ADAMTSL1: variants seen among roughly 807,000 people sequenced by gnomAD.
ADAMTSL1 encodes the protein ADAMTS like 1, also known as ADAMTS-like protein 1.
Under a neutral mutation model 201.8 loss-of-function variants are expected in ADAMTSL1, and 126 were observed. That is an observed-to-expected ratio of 0.62 (90% confidence interval 0.54 to 0.72). The LOEUF is 0.72. ADAMTSL1 is among the 30% of genes least tolerant of loss of function. The probability of loss-of-function intolerance (pLI) is 0.00; values close to 1 mark genes in which losing one functional copy is unlikely to be tolerated. For missense variants in ADAMTSL1, 2,679 were observed against 2,277.8 expected (o/e 1.18, Z -3.59); for synonymous variants, 1,121 against 903.4 (o/e 1.24, Z -4.32).
intron 1 of ADAMTSL1, among the ~76,000 whole-genome samples, chr9:18,000,480 C>G (rs1313338656): frequency 6.6e-6 from 1 of 151,988 alleles, no homozygotes; most frequent in African/African-American, 2.4e-5. Context: ...GGAAGAGTAC[C>G]TCTCCTCTGA....
intron 2 of ADAMTSL1, among the ~76,000 whole-genome samples, chr9:18,257,535 G>A (rs1173869975): frequency 6.6e-6 from 1 of 152,160 alleles, no homozygotes; most frequent in Non-Finnish European, 1.5e-5. Context: ...AATAAAATGT[G>A]TGGGTGATGA....
chr9:18,572,994 C>G lies in ADAMTSL1; in HGVS notation c.238-1036C>G, dbSNP rs1318534954. Among the ~76,000 whole-genome samples, 3 of 152,090 alleles carry G rather than the reference C, an allele frequency of 2.0e-5. No individual in the cohort carries two copies. In the East Asian group the frequency reaches 5.8e-4, roughly 29 times the overall value. ...CCTTCCAAGGGATAGGCAATATTTG[C>G]CTTTTTAAAATTAAATCTTACCTGC... On this transcript the variant is annotated intron_variant, in intron 3 of 28. Transcript: ENST00000380548.
chr9:18,342,209 G>T (rs1563899001), intron 2 of ADAMTSL1, among the ~76,000 whole-genome samples: 1 of 152,148 alleles, frequency 6.6e-6, no homozygotes, highest in Non-Finnish European at 1.5e-5. Context: ...CTCAGGCCCA[G>T]TGAAATTGCA....
intron 2 of ADAMTSL1, among the ~76,000 whole-genome samples, chr9:18,397,441 G>GA (rs1817800416): frequency 6.6e-6 from 1 of 152,112 alleles, no homozygotes. Context: ...AGCTCAAGAT[G>GA]AAAAATCTAA....
chr9:17,916,597 T>C (rs1826103417), intron 1 of ADAMTSL1, among the ~76,000 whole-genome samples: 1 of 152,206 alleles, frequency 6.6e-6, no homozygotes. Flanking sequence ...ATTGTCTTTG[T>C]ACTTCAAAAA....
intron 1 of ADAMTSL1, among the ~76,000 whole-genome samples, chr9:17,971,915 C>G (rs537437358): frequency 3.1e-4 from 47 of 151,712 alleles, no homozygotes; most frequent in African/African-American, 1.1e-3. Flanking sequence ...TCCCTATATC[C>G]TTCATATCTT....
chr9:18,209,184 G>A (rs2132307280), intron 2 of ADAMTSL1, among the ~76,000 whole-genome samples: 1 of 152,042 alleles, frequency 6.6e-6, no homozygotes, highest in East Asian at 1.9e-4. Context: ...TGAAATGTTT[G>A]TTATATGTTT....
chr9:18,585,930 G>C (rs888367679), intron 4 of ADAMTSL1, among the ~76,000 whole-genome samples: 1 of 151,998 alleles, frequency 6.6e-6, no homozygotes, highest in Non-Finnish European at 1.5e-5. Context: ...GATATTGAAG[G>C]AAAATACCCT....
intron 19 of ADAMTSL1, among the ~76,000 whole-genome samples, chr9:18,781,693 A>C (rs1193869055): frequency 1.3e-5 from 2 of 152,156 alleles, no homozygotes; most frequent in African/African-American, 4.8e-5. Context: ...CCAGTGTTAT[A>C]GTTCAGTTAG....
intron 2 of ADAMTSL1, among the ~76,000 whole-genome samples, chr9:18,438,811 C>T (rs903452691): frequency 6.6e-6 from 1 of 152,138 alleles, no homozygotes; most frequent in South Asian, 2.1e-4. Flanking sequence ...CTCGCTCACC[C>T]TCACAATTCT....
intron 4 of ADAMTSL1, among the ~76,000 whole-genome samples, chr9:18,606,676 G>C (rs529025204): frequency 6.6e-6 from 1 of 152,282 alleles, no homozygotes; most frequent in East Asian, 1.9e-4. Flanking sequence ...TTCAGTTGCA[G>C]AGTTTGTTTT....
rs551563170 is a variant in ADAMTSL1, at chr9:18,514,552, G to C, written c.191+9596G>C. Among the ~76,000 whole-genome samples, 4 of 151,978 alleles carry C rather than the reference G, an allele frequency of 2.6e-5. No homozygotes were observed. In the South Asian group the frequency reaches 6.2e-4, roughly 24 times the overall value. ...TCACCGTGTTCACCAGGATGGTCTCGATCTCCTGACCTCATGATCCGCCCG... is the reference window on the plus strand; with the variant it reads ...TCACCGTGTTCACCAGGATGGTCTCCATCTCCTGACCTCATGATCCGCCCG... On this transcript the variant is annotated intron_variant, in intron 2 of 28. Coordinates refer to ENST00000380548, the MANE Select transcript of ADAMTSL1 (RefSeq NM_001040272.6).
At chr9:18,534,332 C>A (rs1819623605) in intron 3 of ADAMTSL1, among the ~76,000 whole-genome samples, 1 of 151,946 alleles carries the variant, frequency 6.6e-6, no homozygotes, top group African/African-American at 2.4e-5. Context: ...AGTTCAAGAC[C>A]ATCCTGGGGA....
At chr9:18,135,023 AAT>A (rs1826100438) in intron 1 of ADAMTSL1, among the ~76,000 whole-genome samples, 1 of 152,196 alleles carries the variant, frequency 6.6e-6, no homozygotes. Context: ...CAAGGGAATC[AAT>A]ACTGCCATTG....
At position 18,057,579 on chromosome 9, in the gene ADAMTSL1, T is replaced by C. The variant is rs548354286; in HGVS notation, c.88-106283T>C. ...AAATCATATTGGCAAATTTAGTACT[T>C]GGTTAGAACGAGTTTTTTAAAATGA... is the stretch of plus-strand genomic sequence containing the variant. On this transcript the variant is annotated intron_variant, in intron 1 of 29. Coordinates refer to the ADAMTSL1 transcript ENST00000680146. Among the ~76,000 whole-genome samples the C allele has an allele frequency of 5.9e-5, 9 of 152,268 alleles. No individual in the cohort carries two copies. The South Asian group carries it at 1.9e-3, about 32-fold the overall frequency.
chr9:18,301,436 G>T (rs908457762), intron 2 of ADAMTSL1, among the ~76,000 whole-genome samples: 1 of 152,086 alleles, frequency 6.6e-6, no homozygotes, highest in African/African-American at 2.4e-5. Context: ...GCCTGAAACC[G>T]CTGAGAGTAT....
rs186161750 is a variant in ADAMTSL1, at chr9:18,563,282, T to C, written c.238-10748T>C. Among the ~76,000 whole-genome samples, 384 of 152,344 alleles carry C rather than the reference T, an allele frequency of 2.5e-3. 1 individual carries two copies. Among genetic ancestry groups the C allele is most frequent in the African/African-American group, 8.9e-3 (370 of 41,582 alleles). ...CAGTCAGGCTCCTCTGCTGCAGGTC[T>C]GTTGGAGTTTGCTGGAGGTCCACTC... On this transcript the variant is annotated intron_variant, in intron 3 of 28. Transcript: ENST00000380548.
At chr9:18,171,415 C>G (rs553413309) in intron 2 of ADAMTSL1, among the ~76,000 whole-genome samples, 3 of 151,978 alleles carry the variant, frequency 2.0e-5, no homozygotes, top group African/African-American at 7.2e-5. Context: ...AAATATTATA[C>G]TTTAAATTAT....
chr9:17,929,002 G>GGT (rs143400199), intron 1 of ADAMTSL1, among the ~76,000 whole-genome samples: 12 of 151,380 alleles, frequency 7.9e-5, no homozygotes, highest in East Asian at 3.9e-4. Flanking sequence ...TGCATGTGTG[G>GGT]GTGTGTGTGT....
Sources: allele counts gnomAD v4.1 joint callset (sites outside exome capture counted in the v4.1 genomes callset), GRCh38; gene constraint gnomAD v4.1.1; transcripts MANE v1.5; gene names NCBI Gene and HGNC (gene_info 2026-07-23, HGNC 2026-07-21).